Variants in GMDS observed in about 807,000 individuals in gnomAD.
GMDS encodes the protein GDP-mannose 4,6 dehydratase.
GMDS carries 20 observed loss-of-function variants against 49.9 expected under a neutral mutation model. That is an observed-to-expected ratio of 0.40 (90% CI 0.28 to 0.58). GMDS has a LOEUF of 0.58. GMDS is among the 20% of genes least tolerant of loss of function. GMDS has a pLI of 0.42. For missense variants in GMDS, 362 were observed against 481.4 expected (o/e 0.75, Z 2.32); for synonymous variants, 177 against 178.6 (o/e 0.99, Z 0.07).
chr6:2,055,817 C>T (rs749645345), intron 4 of GMDS, among the ~76,000 whole-genome samples: 3 of 152,030 alleles, frequency 2.0e-5, no homozygotes, highest in Admixed American at 6.6e-5. Flanking sequence ...TCTTAGCTGC[C>T]TCAAAATCAT....
At chr6:1,744,635 G>A (rs114042622) in intron 7 of GMDS, among the ~76,000 whole-genome samples, 1,677 of 152,254 alleles carry the variant, frequency 0.011, 23 homozygotes, top group African/African-American at 0.037. Flanking sequence ...GCCCAGGCTC[G>A]GCACCGTTTG....
At chr6:1,707,296 T>C (rs758313812) in intron 9 of GMDS, among the ~76,000 whole-genome samples, 1 of 152,366 alleles carries the variant, frequency 6.6e-6, no homozygotes, top group African/African-American at 2.4e-5. Flanking sequence ...GGTCAAAATG[T>C]GAGCTGAAAA....
At chr6:1,927,963 C>T (rs938603853) in intron 7 of GMDS, among the ~76,000 whole-genome samples, 1 of 152,226 alleles carries the variant, frequency 6.6e-6, no homozygotes, top group Non-Finnish European at 1.5e-5. Flanking sequence ...CCCTCACTAT[C>T]AAAATCTATT....
chr6:1,673,349 C>G (rs1000099436), intron 9 of GMDS, among the ~76,000 whole-genome samples: 1 of 149,102 alleles, frequency 6.7e-6, no homozygotes, highest in East Asian at 2.0e-4. Flanking sequence ...GACTTCTCCT[C>G]AGTTAGGTTA....
chr6:2,140,331 G>A (rs2127527331), intron 1 of GMDS, among the ~76,000 whole-genome samples: 2 of 152,184 alleles, frequency 1.3e-5, no homozygotes, highest in South Asian at 2.1e-4. Flanking sequence ...GCAGCCACTA[G>A]AAGTTAGAAG....
At chr6:1,900,989 C>T (rs1302341648) in intron 7 of GMDS, among the ~76,000 whole-genome samples, 1 of 152,196 alleles carries the variant, frequency 6.6e-6, no homozygotes, top group Non-Finnish European at 1.5e-5. Flanking sequence ...TTTTCCTTCC[C>T]AGGCCACTTC....
chr6:2,160,881 C>T (rs1777365133), intron 1 of GMDS, among the ~76,000 whole-genome samples: 1 of 152,208 alleles, frequency 6.6e-6, no homozygotes, highest in South Asian at 2.1e-4. Context: ...TGAGCACAGA[C>T]TGCAAATATT....
intron 7 of GMDS, among the ~76,000 whole-genome samples, chr6:1,796,639 C>T (rs904874167): frequency 2.7e-4 from 41 of 152,332 alleles, no homozygotes; most frequent in African/African-American, 9.4e-4. Context: ...CTTCTACATA[C>T]ACTTGCTCCA....
intron 9 of GMDS, among the ~76,000 whole-genome samples, chr6:1,696,396 C>G (rs1239397630): frequency 1.3e-5 from 2 of 152,234 alleles, no homozygotes; most frequent in Admixed American, 6.5e-5. Context: ...GAACCATTTT[C>G]CTCCTGAGAA....
intron 4 of GMDS, among the ~76,000 whole-genome samples, chr6:1,993,455 T>C (rs572898856): frequency 6.6e-6 from 1 of 152,194 alleles, no homozygotes; most frequent in South Asian, 2.1e-4. Flanking sequence ...GGACAACACC[T>C]CTGCAGAGGG....
chr6:1,828,312 A>G (rs1441912394), intron 7 of GMDS, among the ~76,000 whole-genome samples: 1 of 152,192 alleles, frequency 6.6e-6, no homozygotes, highest in Admixed American at 6.5e-5. Flanking sequence ...GACACCATCA[A>G]GCAGACCAAC....
intron 1 of GMDS, among the ~76,000 whole-genome samples, chr6:2,159,405 G>T (rs1304897096): frequency 6.6e-6 from 1 of 150,936 alleles, no homozygotes; most frequent in African/African-American, 2.4e-5. Flanking sequence ...TTTTATGATA[G>T]ATTTGTGTAT....
Position 2,191,941 on chromosome 6 carries a change from T to TGCCCATGACC in GMDS, c.102+53370_102+53379dup, listed in dbSNP as rs571186187. 6.2e-4 allele frequency among the ~76,000 whole-genome samples: 94 copies of TGCCCATGACC among 152,276 alleles called. No homozygotes were observed. Among genetic ancestry groups the TGCCCATGACC allele is most frequent in the East Asian group, 1.4e-3 (7 of 5,170 alleles). On this transcript the variant is annotated intron_variant, in intron 1 of 10. Transcript: ENST00000380815. This position sits in a 1 kb window ranked among gnomAD's most constrained non-coding sequence, Gnocchi z 4.6. ...AGGCTTATGGTGACTTTTCTGGGCC[T>TGCCCATGACC]GCCCATGACCACCCATGGACCAACT...
intron 8 of GMDS, among the ~76,000 whole-genome samples, chr6:1,741,862 C>T (rs1263481458): frequency 9.2e-6 from 1 of 109,084 alleles, no homozygotes; most frequent in African/African-American, 3.4e-5. Context: ...TGAGACAAAA[C>T]ATTTAAAACT....
chr6:1,968,839 T>C (rs955269684), intron 4 of GMDS, among the ~76,000 whole-genome samples: 4 of 152,126 alleles, frequency 2.6e-5, no homozygotes, highest in South Asian at 2.1e-4. Context: ...CCTACCCCAC[T>C]AGACTGTAAA....
In GMDS at chr6:2,134,421, T is replaced by C. The variant is rs114306521; in HGVS notation, c.103-9690A>G. On this transcript the variant is annotated intron_variant, in intron 1 of 10. Transcript: ENST00000380815. ...CCAGAGCTTTGTAAGGGTAGTGGAG[T>C]TCTCTAGGTGGAAAAATAACTTCCT... Among the ~76,000 whole-genome samples, 863 of 152,172 alleles carry C rather than the reference T, an allele frequency of 5.7e-3. 2 individuals are homozygous for C. Among genetic ancestry groups the C allele is most frequent in the Middle Eastern group, 0.017 (5 of 294 alleles).
intron 4 of GMDS, among the ~76,000 whole-genome samples, chr6:1,963,746 G>A (rs1304369043): frequency 6.6e-6 from 1 of 152,150 alleles, no homozygotes; most frequent in South Asian, 2.1e-4. Flanking sequence ...GAGAGCGGGT[G>A]TCAGGGCTCT....
intron 7 of GMDS, among the ~76,000 whole-genome samples, chr6:1,811,526 C>T (rs1235518937): frequency 7.3e-6 from 1 of 136,148 alleles, no homozygotes; most frequent in South Asian, 2.5e-4. Flanking sequence ...CTTATTTGTA[C>T]AATAATTAAA....
At chr6:1,649,872 T>G (rs908840553) in intron 9 of GMDS, among the ~76,000 whole-genome samples, 4 of 152,220 alleles carry the variant, frequency 2.6e-5, no homozygotes, top group Admixed American at 2.6e-4. Context: ...TGTCACTTTA[T>G]GAGGGTGGCC....
Sources: gnomAD v4.1 joint callset for allele counts (sites outside exome capture counted in the v4.1 genomes callset) on GRCh38, gnomAD v4.1.1 for gene constraint, Gnocchi (gnomAD v3.1) non-coding constraint, MANE v1.5 for transcripts, NCBI Gene and HGNC (gene_info 2026-07-23, HGNC 2026-07-21) for gene names.